Variants in KIF6 observed in about 807,000 individuals in gnomAD.
KIF6 encodes the protein kinesin family member 6.
A neutral mutation model predicts 112.7 loss-of-function variants in KIF6; 106 were observed. The ratio of observed to expected loss-of-function variants is 0.94; its 90% CI spans 0.80 to 1.11. The LOEUF is 1.11. Ranked by LOEUF, KIF6 falls within the 50% of genes least tolerant of loss-of-function variation. The pLI is 0.00. For missense variants in KIF6, 929 were observed against 964.0 expected (o/e 0.96, Z 0.48); for synonymous variants, 339 against 339.9 (o/e 1.00, Z 0.03).
intron 13 of KIF6, among the ~76,000 whole-genome samples, chr6:39,538,694 T>C (rs575739235): frequency 2.0e-5 from 3 of 149,862 alleles, no homozygotes; most frequent in Non-Finnish European, 2.9e-5. Flanking sequence ...AAATACCATT[T>C]GACCCAGCCA....
chr6:39,503,349 G>A (rs13195830), intron 13 of KIF6, among the ~76,000 whole-genome samples: 2 of 152,138 alleles, frequency 1.3e-5, no homozygotes, highest in South Asian at 2.1e-4. Context: ...GCTGTGTTAC[G>A]AGAGAAATTT....
Position 39,343,462 on chromosome 6 carries a change from G to T in KIF6, c.2428+247C>A. 6.8e-7 allele frequency: 1 copy of T among 1,460,296 alleles called. No homozygotes were observed. Among genetic ancestry groups the T allele is most frequent in the African/African-American group, 1.4e-5 (1 of 71,514 alleles). The allele number at this position is 1,460,296 out of a possible 1,614,324, so 90.5% of individuals were successfully genotyped here. A position where few individuals can be genotyped will look rare whatever the true frequency, so the allele number is the denominator to read the frequency against. On this transcript the variant is annotated intron_variant, in intron 22 of 22. Transcript: ENST00000287152. The surrounding 1 kb of genome is among the most constrained non-coding windows in gnomAD (Gnocchi z 4.1). ...CTGGAAGAGACAGAGAGCAAGCTCT[G>T]CCAAGAGGGACAGGAGCACCTGGGC... is the stretch of plus-strand genomic sequence containing the variant.
chr6:39,716,155 G>C (rs1396834250), intron 2 of KIF6, among the ~76,000 whole-genome samples: 2 of 152,276 alleles, frequency 1.3e-5, no homozygotes, highest in African/African-American at 4.8e-5. Context: ...ATCACACACA[G>C]AATATCTTCT....
At chr6:39,348,053 G>A (rs1326157211) in intron 19 of KIF6, among the ~76,000 whole-genome samples, 1 of 152,248 alleles carries the variant, frequency 6.6e-6, no homozygotes, top group Non-Finnish European at 1.5e-5. Flanking sequence ...TCAGAGAACA[G>A]TAACCAATTC....
intron 10 of KIF6, among the ~76,000 whole-genome samples, chr6:39,573,985 G>A (rs931427208): frequency 2.6e-5 from 4 of 152,102 alleles, no homozygotes; most frequent in African/African-American, 9.7e-5. Context: ...AAAAACTACT[G>A]GCAACCCTCC....
Position 39,381,481 on chromosome 6 carries a change from C to G in KIF6, c.1861+4141G>C, listed in dbSNP as rs184656333. ...ATCTGAAGCCTGAATTACAAAACAT[C>G]AGGGAATCCAAATACACCGAGTAGG... On this transcript the variant is annotated intron_variant, in intron 16 of 22. Coordinates refer to ENST00000287152, the MANE Select transcript of KIF6 (RefSeq NM_145027.6). Among the ~76,000 whole-genome samples, 24 of 152,310 alleles carry G rather than the reference C, an allele frequency of 1.6e-4. 1 individual carries two copies. The highest frequency in any genetic ancestry group is 1.6e-4 in the Non-Finnish European group (11 of 68,036).
chr6:39,381,589 G>A (rs716952), intron 16 of KIF6, among the ~76,000 whole-genome samples: 30,754 of 151,982 alleles, frequency 0.2, 3,728 homozygotes, highest in African/African-American at 0.33. Context: ...GGTTCTATAA[G>A]CAATCTGTCT....
intron 10 of KIF6, among the ~76,000 whole-genome samples, chr6:39,572,681 T>TTTA (rs1554128231): frequency 5.8e-5 from 8 of 138,096 alleles, no homozygotes; most frequent in Non-Finnish European, 9.2e-5. Flanking sequence ...TTTTTTTTTT[T>TTTA]ACCAAAGAAA....
At chr6:39,671,715 C>G (rs1234658019) in intron 3 of KIF6, among the ~76,000 whole-genome samples, 2 of 152,318 alleles carry the variant, frequency 1.3e-5, no homozygotes, top group African/African-American at 4.8e-5. Flanking sequence ...TTGCTTTGTC[C>G]CTAATAACAA....
chr6:39,414,631 A>G (rs1769764657), intron 15 of KIF6, among the ~76,000 whole-genome samples: 1 of 152,202 alleles, frequency 6.6e-6, no homozygotes, highest in Admixed American at 6.5e-5. Flanking sequence ...CGCTACAAAG[A>G]GACTTTTAAT....
chr6:39,533,952 G>A (rs866520548), intron 13 of KIF6, among the ~76,000 whole-genome samples: 2 of 152,186 alleles, frequency 1.3e-5, no homozygotes, highest in South Asian at 4.1e-4. Context: ...AGGCAGATAG[G>A]GTCTGGAGTG....
chr6:39,388,729 A>T (rs1767626402), intron 15 of KIF6, among the ~76,000 whole-genome samples: 1 of 152,150 alleles, frequency 6.6e-6, no homozygotes, highest in Non-Finnish European at 1.5e-5. Flanking sequence ...GCTTGCTGTC[A>T]TTACCACGGT....
In KIF6 at chr6:39,581,440, G is replaced by A. The variant is rs112576810; in HGVS notation, c.1078-3281C>T. On this transcript the variant is annotated intron_variant, in intron 9 of 22. Transcript: ENST00000287152. The stretch of plus-strand genomic sequence containing the variant: ...CAAAGTGCTGGGATTACAGGCATGA[G>A]CCACTGCGCCCGGCCCGCTTTACTC... Among the ~76,000 whole-genome samples, 576 of 152,064 alleles carry A rather than the reference G, an allele frequency of 3.8e-3. 5 individuals carry two copies. The highest frequency in any genetic ancestry group is 0.013 in the African/African-American group (547 of 41,494).
At chr6:39,473,828 CCT>C (rs1368592504) in intron 13 of KIF6, among the ~76,000 whole-genome samples, 3 of 152,072 alleles carry the variant, frequency 2.0e-5, no homozygotes, top group Non-Finnish European at 4.4e-5. Context: ...TTTATTTTCC[CCT>C]CTTTTGAGGA....
chr6:39,340,354 C>CCT (rs3831002), intron 22 of KIF6, among the ~76,000 whole-genome samples: 57,642 of 151,982 alleles, frequency 0.38, 12,382 homozygotes, highest in African/African-American at 0.6. Context: ...TCACTCCCCT[C>CCT]GTCAATGCTG....
intron 12 of KIF6, among the ~76,000 whole-genome samples, chr6:39,541,536 T>C (rs937981528): frequency 6.6e-6 from 1 of 152,240 alleles, no homozygotes; most frequent in Non-Finnish European, 1.5e-5. Flanking sequence ...GTGATATTTG[T>C]TGGAGCTTGT....
intron 2 of KIF6, among the ~76,000 whole-genome samples, chr6:39,719,329 A>C (rs370198670): frequency 1.7e-4 from 22 of 128,706 alleles, no homozygotes; most frequent in African/African-American, 6.2e-4. Flanking sequence ...AAAAAAAAGA[A>C]AAGAATTTAA....
chr6:39,354,069 G>T, intron 19 of KIF6: 1 of 305,714 alleles, frequency 3.3e-6, no homozygotes, highest in Non-Finnish European at 6.7e-6. Context: ...GAACGGTCAC[G>T]TGGACATTTG....
chr6:39,646,341 T>C (rs949429593), intron 3 of KIF6, among the ~76,000 whole-genome samples: 1 of 151,690 alleles, frequency 6.6e-6, no homozygotes, highest in Admixed American at 6.6e-5. Flanking sequence ...AATATAGTAA[T>C]AGGATCATGG....
Sources: gnomAD v4.1 joint callset for allele counts (sites outside exome capture counted in the v4.1 genomes callset) on GRCh38, gnomAD v4.1.1 for gene constraint, Gnocchi (gnomAD v3.1) non-coding constraint, MANE v1.5 for transcripts, NCBI Gene and HGNC (gene_info 2026-07-23, HGNC 2026-07-21) for gene names.